Variants in NXPE4 observed in about 807,000 individuals in gnomAD.
NXPE4 encodes NXPE family member 4.
In NXPE4, 42 loss-of-function variants were observed where a neutral mutation model predicts 33.3. The ratio of observed to expected loss-of-function variants is 1.26; its 90% CI spans 0.98 to 1.63. NXPE4 has a LOEUF of 1.63. Ranked by LOEUF, NXPE4 falls within the 40% of genes most tolerant of loss-of-function variation. The pLI is 0.00. For synonymous variants in NXPE4, 253 were observed against 234.9 expected (o/e 1.08, Z -0.71); for missense variants, 709 against 647.6 (o/e 1.09, Z -1.03).
At chr11:114,606,007 T>G in the NXPE4 span, among the ~76,000 whole-genome samples, 2,054 of 151,886 alleles carry the variant, frequency 0.014, 45 homozygotes, top group African/African-American at 0.047. Flanking sequence ...AAGTATTGCC[T>G]CATGGGTAAC....
chr11:114,627,143 C>T, the NXPE4 span, among the ~76,000 whole-genome samples: 57 of 151,962 alleles, frequency 3.8e-4, no homozygotes, highest in African/African-American at 1.2e-3. Context: ...GGCAGGCCAA[C>T]GTTCAGATTC....
the NXPE4 span, among the ~76,000 whole-genome samples, chr11:114,650,287 A>G: frequency 1.8e-4 from 27 of 152,322 alleles, no homozygotes; most frequent in African/African-American, 5.1e-4. Context: ...AATAAAAATG[A>G]ATTGTTAAAC....
intron 5 of NXPE4, among the ~76,000 whole-genome samples, chr11:114,571,823 A>G (rs1948894869): frequency 6.6e-6 from 1 of 152,186 alleles, no homozygotes; most frequent in Non-Finnish European, 1.5e-5. Context: ...GAACAGGATC[A>G]CCACTGCAGG....
chr11:114,667,270 A>G, the NXPE4 span, among the ~76,000 whole-genome samples: 2 of 152,154 alleles, frequency 1.3e-5, no homozygotes, highest in Non-Finnish European at 2.9e-5. Flanking sequence ...GGAAGTTGAG[A>G]AAGAGTAACA....
the NXPE4 span, among the ~76,000 whole-genome samples, chr11:114,640,795 T>C: frequency 2.0e-5 from 3 of 152,034 alleles, no homozygotes; most frequent in African/African-American, 4.8e-5. Flanking sequence ...CACTTTATAA[T>C]AGAACTATTT....
chr11:114,626,664 T>A, the NXPE4 span, among the ~76,000 whole-genome samples: 2 of 152,180 alleles, frequency 1.3e-5, no homozygotes, highest in East Asian at 3.8e-4. Flanking sequence ...AGAACAAAGC[T>A]GGACGGAGAA....
the NXPE4 span, among the ~76,000 whole-genome samples, chr11:114,668,410 A>G: frequency 6.6e-6 from 1 of 151,856 alleles, no homozygotes; most frequent in African/African-American, 2.4e-5. Context: ...TTAAATTACT[A>G]AGTTACACAG....
At chr11:114,601,923 A>ATAT in the NXPE4 span, among the ~76,000 whole-genome samples, 24,769 of 70,234 alleles carry the variant, frequency 0.35, 4,630 homozygotes, top group Admixed American at 0.39. Flanking sequence ...ATTATATATA[A>ATAT]TATATTTATA....
chr11:114,617,290 C>A, the NXPE4 span, among the ~76,000 whole-genome samples: 19 of 138,770 alleles, frequency 1.4e-4, no homozygotes, highest in African/African-American at 5.2e-4. Flanking sequence ...GGATAACCAC[C>A]ATTACCCACC....
intron 5 of NXPE4, among the ~76,000 whole-genome samples, chr11:114,575,641 C>T (rs2135190910): frequency 6.6e-6 from 1 of 151,842 alleles, no homozygotes; most frequent in Non-Finnish European, 1.5e-5. Context: ...AATACCTAGC[C>T]AAGGATGTCA....
the NXPE4 span, among the ~76,000 whole-genome samples, chr11:114,603,835 G>A: frequency 1.3e-5 from 2 of 151,702 alleles, no homozygotes; most frequent in Non-Finnish European, 2.9e-5. Flanking sequence ...ATTAACTGGT[G>A]GATAATAAGT....
chr11:114,602,346 ATATAC>A, the NXPE4 span, among the ~76,000 whole-genome samples: 9 of 125,938 alleles, frequency 7.1e-5, no homozygotes, highest in African/African-American at 2.7e-4. Flanking sequence ...TATCTATAAC[ATATAC>A]TATATATAAT....
chr11:114,626,970 A>C, the NXPE4 span, among the ~76,000 whole-genome samples: 4 of 152,246 alleles, frequency 2.6e-5, no homozygotes, highest in African/African-American at 9.6e-5. Flanking sequence ...GTTTAGAGAA[A>C]AAAGAATAAA....
the NXPE4 span, among the ~76,000 whole-genome samples, chr11:114,610,848 A>G: frequency 6.6e-6 from 1 of 150,584 alleles, no homozygotes; most frequent in Non-Finnish European, 1.5e-5. Context: ...TATTGCCTCT[A>G]GGGTAACCAC....
chr11:114,578,802 A>T (rs1949071095), intron 5 of NXPE4, among the ~76,000 whole-genome samples: 1 of 152,166 alleles, frequency 6.6e-6, no homozygotes, highest in Non-Finnish European at 1.5e-5. Context: ...TTGGTTTAGT[A>T]AATAGAGCAA....
chr11:114,632,933 T>A, the NXPE4 span, among the ~76,000 whole-genome samples: 3 of 98,334 alleles, frequency 3.1e-5, no homozygotes, highest in South Asian at 8.6e-4. Context: ...AATTATATAA[T>A]AATATATATT....
the NXPE4 span, among the ~76,000 whole-genome samples, chr11:114,662,926 TGAGCCTATGA>T: frequency 3.9e-5 from 6 of 152,138 alleles, no homozygotes; most frequent in African/African-American, 1.4e-4. Flanking sequence ...GGGCCTTGGG[TGAGCCTATGA>T]GGCTTGCTCT....
intron 2 of NXPE4, among the ~76,000 whole-genome samples, chr11:114,585,673 A>G (rs1949276208): frequency 6.6e-6 from 1 of 152,118 alleles, no homozygotes; most frequent in Non-Finnish European, 1.5e-5. Flanking sequence ...TGAAACAGGA[A>G]CTAGAAAGAA....
chr11:114,593,983 G>A (rs1191232577), intron 2 of NXPE4, among the ~76,000 whole-genome samples: 3 of 152,006 alleles, frequency 2.0e-5, no homozygotes. Flanking sequence ...AATAATTGAA[G>A]TCATGGAGTT....
Sources: allele counts gnomAD v4.1 joint callset (sites outside exome capture counted in the v4.1 genomes callset), GRCh38; gene constraint gnomAD v4.1.1; transcripts MANE v1.5; gene names NCBI Gene and HGNC (gene_info 2026-07-23, HGNC 2026-07-21).